FAM3D: variants seen among roughly 807,000 people sequenced by gnomAD.
FAM3D encodes the protein FAM3 metabolism regulating signaling molecule D.
Under a neutral mutation model 29.8 loss-of-function variants are expected in FAM3D, and 26 were observed. That is an observed-to-expected ratio of 0.87 (90% CI 0.64 to 1.21). The LOEUF (loss-of-function observed/expected upper bound fraction) is 1.21, where lower values mean the gene tolerates loss of function less well. Ranked by LOEUF, FAM3D falls within the 50% of genes most tolerant of loss-of-function variation. The pLI, the probability that FAM3D is intolerant of heterozygous loss-of-function variation, is 0.00. For missense variants in FAM3D, 253 were observed against 290.9 expected (o/e 0.87, Z 0.95); for synonymous variants, 115 against 102.3 (o/e 1.12, Z -0.75).
intron 1 of FAM3D, among the ~76,000 whole-genome samples, chr3:58,661,862 C>T (rs1027052209): frequency 8.5e-5 from 13 of 152,222 alleles, no homozygotes; most frequent in African/African-American, 2.9e-4. Context: ...CCCTCCATCC[C>T]CCTTCTCAAG....
Position 58,653,618 on chromosome 3 carries a change from C to G in FAM3D, c.121+56G>C, listed in dbSNP as rs1225942384. On this transcript the variant is annotated intron_variant, in intron 3 of 9. Coordinates refer to ENST00000358781, the MANE Select transcript of FAM3D (RefSeq NM_138805.3). ...CCTAGGGATGGAGGGAAGAATATGT[C>G]TTCGGCCCCCAGGCCTGGTCTGCAG... 1.6e-5 allele frequency: 24 copies of G among 1,515,000 alleles called. No homozygotes were observed. The Admixed American group carries it at 4.0e-4, about 25-fold the overall frequency. 93.8% of individuals were successfully genotyped at this position (1,515,000 alleles called of 1,614,324 possible).
chr3:58,665,218 G>T (rs545320097), intron 1 of FAM3D, among the ~76,000 whole-genome samples: 1 of 152,198 alleles, frequency 6.6e-6, no homozygotes, highest in Admixed American at 6.5e-5. Context: ...CTGAGCAATG[G>T]CAAACTCCTC....
chr3:58,643,759 A>T (rs1374155013), intron 5 of FAM3D, 39 bp from the exon 6 acceptor site: 3 of 1,599,180 alleles, frequency 1.9e-6, no homozygotes, highest in Non-Finnish European at 2.6e-6. Context: ...GTCGGTCCCG[A>T]GTGTGGAATG....
intron 9 of FAM3D, among the ~76,000 whole-genome samples, chr3:58,636,043 C>T (rs544543176): frequency 2.0e-5 from 3 of 152,362 alleles, no homozygotes; most frequent in African/African-American, 7.2e-5. Context: ...TTCTCCTTTT[C>T]CCTCTTCCTT....
rs1266404720 is a variant in FAM3D at position 58,636,360 on chromosome 3, C to T, written c.519G>A (p.Leu173=). 1.2e-6 allele frequency: 2 copies of T among 1,614,192 alleles called. No homozygotes were observed. The highest frequency in any genetic ancestry group is 3.3e-5 in the Admixed American group (2 of 60,032). The part of the protein sequence containing the change: ...SDLGSSYAKQ[L]GFRDSWVFIG... ...TGAAGACCCAGCTGTCCCGGAAGCC[C>T]AGTTGTTTTGCGTAGGAACTCCCCA... The change falls in exon 9 of 10, where the codon CTG becomes CTA. Residue 173 remains leucine (L), a synonymous_variant. Coordinates refer to ENST00000358781, the MANE Select transcript of FAM3D (RefSeq NM_138805.3).
chr3:58,650,292 G>C (rs1219892002), intron 3 of FAM3D, among the ~76,000 whole-genome samples: 1 of 152,150 alleles, frequency 6.6e-6, no homozygotes, highest in Non-Finnish European at 1.5e-5. Context: ...TTGCCTCCAA[G>C]GCCCCAGGAG....
chr3:58,660,213 A>G (rs2066905330), intron 1 of FAM3D, among the ~76,000 whole-genome samples: 1 of 152,162 alleles, frequency 6.6e-6, no homozygotes, highest in Non-Finnish European at 1.5e-5. Context: ...TGGCATATTA[A>G]CAGACACACA....
chr3:58,666,502 C>G (rs978278236), intron 1 of FAM3D, 74 bp downstream of exon 1: 1 of 152,244 alleles, frequency 6.6e-6, no homozygotes, highest in Non-Finnish European at 1.5e-5. Flanking sequence ...TCCCACCCTC[C>G]CCACCTCCAT....
At chr3:58,658,523 TCTTTGTCTGGAATACTC>T (rs1437554381) in intron 1 of FAM3D, among the ~76,000 whole-genome samples, 1 of 152,156 alleles carries the variant, frequency 6.6e-6, no homozygotes, top group Admixed American at 6.6e-5. Flanking sequence ...TTCTCCTATT[TCTTTGTCTGGAATACTC>T]CTTTGTCTGG....
Position 58,660,638 on chromosome 3 carries a change from T to G in FAM3D, c.-38-5037A>C, listed in dbSNP as rs183909687. ...TTTTATTTATTGGTGTTAATGGTTTTCTCCAGCTCTGGCCAATGGTAGAAT... is the reference window on the plus strand; with the variant it reads ...TTTTATTTATTGGTGTTAATGGTTTGCTCCAGCTCTGGCCAATGGTAGAAT... On this transcript the variant is annotated intron_variant, in intron 1 of 9. Coordinates refer to ENST00000358781, the MANE Select transcript of FAM3D (RefSeq NM_138805.3). 1.3e-3 allele frequency among the ~76,000 whole-genome samples: 199 copies of G among 152,300 alleles called. 3 individuals are homozygous for G. The highest frequency in any genetic ancestry group is 0.01 in the Middle Eastern group (3 of 294).
chr3:58,658,172 G>A (rs2066860846), intron 1 of FAM3D, among the ~76,000 whole-genome samples: 1 of 152,150 alleles, frequency 6.6e-6, no homozygotes, highest in Non-Finnish European at 1.5e-5. Flanking sequence ...ATTTCTGACT[G>A]CAGGTCAGCC....
chr3:58,656,420 C>A (rs1289922428), intron 1 of FAM3D, among the ~76,000 whole-genome samples: 1 of 152,288 alleles, frequency 6.6e-6, no homozygotes, highest in East Asian at 1.9e-4. Context: ...GGTCTCACTG[C>A]CAAGAATTTT....
At chr3:58,639,657 C>T (rs1421549497) in intron 7 of FAM3D, among the ~76,000 whole-genome samples, 1 of 152,228 alleles carries the variant, frequency 6.6e-6, no homozygotes, top group East Asian at 1.9e-4. Context: ...CCCCTGGTCA[C>T]CCCTCCATCC....
At chr3:58,653,577 C>A in intron 3 of FAM3D, 97 bp downstream of exon 3, 2 of 1,176,778 alleles carry the variant, frequency 1.7e-6, no homozygotes, top group South Asian at 2.5e-5. Flanking sequence ...CACAGCTTGT[C>A]ATGTCTCCTG....
At chr3:58,642,603 T>G (rs759806387) in intron 6 of FAM3D, among the ~76,000 whole-genome samples, 1 of 152,170 alleles carries the variant, frequency 6.6e-6, no homozygotes, top group Non-Finnish European at 1.5e-5. Context: ...TACCTGACCC[T>G]GTAAGTCCAC....
At position 58,634,095 on chromosome 3, in the gene FAM3D, G is replaced by A. The variant is rs1480089583; in HGVS notation, c.*184C>T. ...AAGGACCCTCTGAGGCTGGTCTTCCGGGTAGGATGTGCTGTGGGAGGGTTC... is the reference window on the plus strand; with the variant it reads ...AAGGACCCTCTGAGGCTGGTCTTCCAGGTAGGATGTGCTGTGGGAGGGTTC... On this transcript the variant is annotated 3_prime_UTR_variant, in exon 10 of 10. Transcript: ENST00000358781. The surrounding 1 kb of genome is among the most constrained non-coding windows in gnomAD (Gnocchi z 4.6). 25 of 557,470 alleles carry A rather than the reference G, an allele frequency of 4.5e-5. No homozygotes were observed. The East Asian group carries it at 5.0e-4, about 11-fold the overall frequency. The allele number at this position is 557,470 out of a possible 1,614,324, so 34.5% of individuals were successfully genotyped here.
At chr3:58,643,548 G>T in intron 6 of FAM3D, 114 bp downstream of exon 6, 2 of 1,138,222 alleles carry the variant, frequency 1.8e-6, no homozygotes, top group Admixed American at 1.8e-5. Context: ...AGCTCTACGG[G>T]CATTCCTGCC....
intron 5 of FAM3D, among the ~76,000 whole-genome samples, chr3:58,644,772 GA>G (rs373479757): frequency 4.2e-4 from 63 of 150,888 alleles, no homozygotes; most frequent in African/African-American, 1.4e-3. Flanking sequence ...CTTGCAAGTA[GA>G]AAAAAAAAAG....
intron 7 of FAM3D, among the ~76,000 whole-genome samples, chr3:58,637,445 G>A (rs1420551231): frequency 6.6e-6 from 1 of 152,160 alleles, no homozygotes; most frequent in Admixed American, 6.5e-5. Flanking sequence ...TCCAGGTGAT[G>A]TGGGGTGGCT....
Sources: allele counts gnomAD v4.1 joint callset (sites outside exome capture counted in the v4.1 genomes callset), GRCh38; gene constraint gnomAD v4.1.1; non-coding constraint Gnocchi (gnomAD v3.1); transcripts MANE v1.5; gene names NCBI Gene and HGNC (gene_info 2026-07-23, HGNC 2026-07-21).